IAH1: variants seen among roughly 807,000 people sequenced by gnomAD.
The protein encoded by IAH1 is isoamyl acetate-hydrolyzing esterase 1 homolog.
IAH1 carries 24 observed loss-of-function variants against 26.7 expected under a neutral mutation model. That is an observed-to-expected ratio of 0.90 (90% CI 0.65 to 1.26). The LOEUF (loss-of-function observed/expected upper bound fraction) is 1.26. Ranked by LOEUF, IAH1 falls within the 50% of genes most tolerant of loss-of-function variation. The pLI, the probability that IAH1 is intolerant of heterozygous loss-of-function variation, is 0.00. For missense variants in IAH1, 300 were observed against 299.9 expected (o/e 1.00, Z 0.00); for synonymous variants, 140 against 118.5 (o/e 1.18, Z -1.18).
chr2:9,497,182 T>C (rs1257729330), downstream of IAH1: 4 of 1,614,178 alleles, frequency 2.5e-6, no homozygotes, highest in South Asian at 4.4e-5. Context: ...ATCCTTACAC[T>C]TGCCAAGATC....
chr2:9,484,755 C>T (rs1661379747), intron 5 of IAH1: 2 of 533,080 alleles, frequency 3.8e-6, no homozygotes, highest in African/African-American at 1.9e-5. Context: ...CAGCCAGGCT[C>T]CTTGGCTAGG....
intron 3 of IAH1, among the ~76,000 whole-genome samples, chr2:9,479,163 A>G (rs1050333831): frequency 6.6e-6 from 1 of 152,220 alleles, no homozygotes; most frequent in African/African-American, 2.4e-5. Flanking sequence ...CACACTAACC[A>G]TTATATTTGG....
At chr2:9,479,185 TCTTCA>T (rs1261262556) in intron 3 of IAH1, among the ~76,000 whole-genome samples, 2 of 152,206 alleles carry the variant, frequency 1.3e-5, no homozygotes, top group Admixed American at 1.3e-4. Flanking sequence ...AAGAAATTAA[TCTTCA>T]CTTTCTATCT....
chr2:9,491,067 C>T (rs189136851), downstream of IAH1: 160 of 1,597,044 alleles, frequency 1.0e-4, no homozygotes, highest in East Asian at 2.3e-3. Flanking sequence ...TCAGACCAGG[C>T]GAAGATTATG....
At chr2:9,493,032 A>G (rs770546623), downstream of IAH1, 9 of 1,469,764 alleles carry the variant, frequency 6.1e-6, no homozygotes, top group Non-Finnish European at 8.4e-6. Flanking sequence ...AGTACTTCAC[A>G]AATCTAAAGT....
At chr2:9,492,134 C>CA (rs1021159427), downstream of IAH1, among the ~76,000 whole-genome samples, 3 of 152,192 alleles carry the variant, frequency 2.0e-5, no homozygotes, top group African/African-American at 7.2e-5. Flanking sequence ...ACTCCTTTGT[C>CA]ATCAGAGTTG....
downstream of IAH1, chr2:9,490,538 A>ATTGAT: frequency 1.3e-6 from 2 of 1,597,980 alleles, no homozygotes; most frequent in Non-Finnish European, 1.7e-6. Flanking sequence ...CATGGGTTCA[A>ATTGAT]TTGATTGATA....
At chr2:9,490,999 T>C (rs554406196), downstream of IAH1, 5 of 1,024,968 alleles carry the variant, frequency 4.9e-6, no homozygotes, top group Admixed American at 6.3e-5. Flanking sequence ...AACATGACCT[T>C]CCATCAGCCA....
At chr2:9,504,645 C>T in the IAH1 span, among the ~76,000 whole-genome samples, 10 of 150,950 alleles carry the variant, frequency 6.6e-5, no homozygotes, top group Middle Eastern at 3.4e-3. Flanking sequence ...TGCCTGTAGT[C>T]CCACTACTCA....
At chr2:9,493,001 A>C, downstream of IAH1, 1 of 1,599,820 alleles carries the variant, frequency 6.3e-7, no homozygotes, top group Non-Finnish European at 8.5e-7. Context: ...GAACAATTCC[A>C]AACAGTTAAT....
intron 1 of IAH1, 64 bp from the exon 2 acceptor site, chr2:9,475,923 A>G (rs1682467263): frequency 3.5e-6 from 5 of 1,433,682 alleles, no homozygotes; most frequent in Non-Finnish European, 3.9e-6. Context: ...GCCAATCAGA[A>G]CTGCCCTCGC....
chr2:9,490,879 T>C (rs73149882), downstream of IAH1, among the ~76,000 whole-genome samples: 935 of 152,264 alleles, frequency 6.1e-3, 7 homozygotes, highest in African/African-American at 0.022. Context: ...TCCTTATGGC[T>C]TGGGAAGGGG....
At position 9,488,188 on chromosome 2, in the gene IAH1, A is replaced by G; in HGVS notation, c.606A>G (p.Pro202=). ...SYLSDGLHLS[P]KGNEFLFSHL... is the part of the protein sequence containing the mutation. ...TATCAGATGGACTACATTTGTCTCCAAAGGGGAATGAATTTTTGTTCTCGC... is the reference window on the plus strand; with the variant it reads ...TATCAGATGGACTACATTTGTCTCCGAAGGGGAATGAATTTTTGTTCTCGC... Residue 202 remains proline (P), a synonymous_variant, in exon 6 of 6, where the codon CCA becomes CCG. Coordinates refer to ENST00000497473, the MANE Select transcript of IAH1 (RefSeq NM_001039613.3). The G allele has an allele frequency of 1.2e-6, 2 of 1,613,024 alleles. No homozygotes were observed. The highest frequency in any genetic ancestry group is 1.7e-6 in the Non-Finnish European group (2 of 1,179,634).
chr2:9,475,511 C>CT (rs1195803204), intron 1 of IAH1, among the ~76,000 whole-genome samples: 1 of 121,124 alleles, frequency 8.3e-6, no homozygotes, highest in Non-Finnish European at 1.8e-5. Context: ...TTCTTTTTTT[C>CT]TTTTTTTGAG....
downstream of IAH1, chr2:9,490,086 C>T (rs917022568): frequency 8.2e-5 from 102 of 1,238,934 alleles, no homozygotes; most frequent in Non-Finnish European, 4.3e-5. Flanking sequence ...AGTCACTTCC[C>T]AGTCTTCACA....
rs79035185 is a variant in IAH1 at position 9,484,686 on chromosome 2, G to T, written c.564+136G>T. On this transcript the variant is annotated intron_variant, in intron 5 of 5. Transcript: ENST00000497473. Reference sequence around the variant, plus strand: ...CCCTTTAGCCAATGAAAACAAACAGGCTTGGGGGAGGGGAGGAATGGAGGT... The same window carrying T: ...CCCTTTAGCCAATGAAAACAAACAGTCTTGGGGGAGGGGAGGAATGGAGGT... The T allele has an allele frequency of 1.3e-3, 811 of 616,612 alleles. 3 individuals carry two copies. The highest frequency in any genetic ancestry group is 6.5e-3 in the African/African-American group (348 of 53,930). The allele number at this position is 616,612 out of a possible 1,614,324, so 38.2% of individuals were successfully genotyped here. A position where few individuals can be genotyped will look rare whatever the true frequency, so the allele number is the denominator to read the frequency against.
intron 2 of IAH1, among the ~76,000 whole-genome samples, chr2:9,476,972 T>C (rs1175091315): frequency 6.6e-6 from 1 of 152,134 alleles, no homozygotes; most frequent in Non-Finnish European, 1.5e-5. Context: ...AGCCTCCACC[T>C]CTGGGGCTGA....
At chr2:9,502,067 G>T in the IAH1 span, 1 of 1,012,506 alleles carries the variant, frequency 9.9e-7, no homozygotes, top group Non-Finnish European at 1.5e-6. Flanking sequence ...CGGCATATGA[G>T]ATTAAAAATA....
downstream of IAH1, among the ~76,000 whole-genome samples, chr2:9,493,588 C>T (rs573052828): frequency 6.6e-6 from 1 of 152,334 alleles, no homozygotes; most frequent in East Asian, 1.9e-4. Flanking sequence ...TCTATGAGTT[C>T]ATTTTATTCT....
Sources: allele counts gnomAD v4.1 joint callset (sites outside exome capture counted in the v4.1 genomes callset), GRCh38; gene constraint gnomAD v4.1.1; transcripts MANE v1.5; gene names NCBI Gene and HGNC (gene_info 2026-07-23, HGNC 2026-07-21).